BACH1: variants seen among roughly 807,000 people sequenced by gnomAD.
BACH1 encodes transcription regulator protein BACH1.
In BACH1, 35 loss-of-function variants were observed where a neutral mutation model predicts 52.9. The observed-to-expected ratio is 0.66, with a 90% CI of 0.51 to 0.88. BACH1 has a LOEUF of 0.88. BACH1 is among the 40% of genes least tolerant of loss of function. BACH1 has a pLI of 0.00. For missense variants in BACH1, 808 were observed against 872.6 expected, an observed-to-expected ratio of 0.93 and a Z score of 0.93; for synonymous variants, 321 against 319.6, an observed-to-expected ratio of 1.00 and a Z score of -0.05.
At position 29,326,782 on chromosome 21, in the gene BACH1, C is replaced by T. The variant is rs748061224; in HGVS notation, c.958C>T (p.Leu320Phe). The T allele has an allele frequency of 3.1e-6, 5 of 1,614,016 alleles. No homozygotes were observed. The Admixed American group carries it at 6.7e-5, about 22-fold the overall frequency. The change falls in exon 3 of 5, where the codon CTT (leucine) becomes TTT (phenylalanine). Residue 320 changes from leucine (L) to phenylalanine (F), a missense_variant. Coordinates refer to ENST00000286800, the MANE Select transcript of BACH1 (RefSeq NM_001186.4). The part of the protein sequence containing the change: ...PHNSSIDPHG[L>F]YSLSLLHTYD... ...CAATTCTTCCATAGACCCTCATGGA[C>T]TTTATTCTTTGTCTCTTTTACACAC...
chr21:29,303,663 G>A (rs1569005297), intron 1 of BACH1, among the ~76,000 whole-genome samples: 1 of 152,160 alleles, frequency 6.6e-6, no homozygotes, highest in African/African-American at 2.4e-5. Context: ...AACTTGTCTT[G>A]TGACTTATTT....
downstream of BACH1, among the ~76,000 whole-genome samples, chr21:29,349,515 C>T (rs1431733790): frequency 5.3e-5 from 8 of 152,118 alleles, no homozygotes; most frequent in Non-Finnish European, 1.0e-4. Context: ...GGCTGCTGCC[C>T]ACATTTAATT....
downstream of BACH1, among the ~76,000 whole-genome samples, chr21:29,347,580 A>G (rs920015322): frequency 1.3e-5 from 2 of 152,194 alleles, no homozygotes; most frequent in Non-Finnish European, 2.9e-5. Flanking sequence ...TTGCTCAACC[A>G]GGGCTGTGAC....
intron 4 of BACH1, among the ~76,000 whole-genome samples, chr21:29,331,876 A>G (rs921670335): frequency 1.3e-5 from 2 of 152,080 alleles, no homozygotes; most frequent in Non-Finnish European, 2.9e-5. Flanking sequence ...TCCATTTTCT[A>G]CTTTTTAAAA....
intron 2 of BACH1, among the ~76,000 whole-genome samples, chr21:29,354,742 C>T (rs1240572632): frequency 1.3e-5 from 2 of 152,140 alleles, no homozygotes; most frequent in African/African-American, 2.4e-5. Context: ...TGCTGTGTGG[C>T]GCCCATGTGG....
At position 29,344,633 on chromosome 21, in the gene BACH1, T is replaced by C. The variant is rs1056828; in HGVS notation, c.*1800T>C. On this transcript the variant is annotated 3_prime_UTR_variant, in exon 5 of 5. Coordinates refer to ENST00000286800, the MANE Select transcript of BACH1 (RefSeq NM_001186.4). ...TAGTGCATCCCATACTGCAAAAGAA[T>C]TTGTGTGTGTGTGTGTGTGTGTGTG... The C allele has an allele frequency of 1.9e-4, 16 of 86,270 alleles. No homozygotes were observed. Among genetic ancestry groups the C allele is most frequent in the African/African-American group, 1.2e-3 (16 of 13,720 alleles). 5.3% of individuals were successfully genotyped at this position (86,270 alleles called of 1,614,324 possible).
At chr21:29,340,150 T>TC (rs761804226) in intron 4 of BACH1, among the ~76,000 whole-genome samples, 3 of 152,238 alleles carry the variant, frequency 2.0e-5, no homozygotes, top group Non-Finnish European at 2.9e-5. Flanking sequence ...GGGAGGTATC[T>TC]TAAATACTGA....
Position 29,345,266 on chromosome 21 carries a change from T to G in BACH1, c.*2433T>G, listed in dbSNP as rs1164420592. Reference sequence around the variant, plus strand: ...ATTTTAACATTAACTTCTAAAGAAGTTTTTTCTAAGAAAATGTTTCAAGGC... The same window carrying G: ...ATTTTAACATTAACTTCTAAAGAAGGTTTTTCTAAGAAAATGTTTCAAGGC... On this transcript the variant is annotated 3_prime_UTR_variant, in exon 5 of 5. Transcript: ENST00000286800. The G allele has an allele frequency of 1.3e-5, 2 of 152,172 alleles. No homozygotes were observed. The highest frequency in any genetic ancestry group is 2.9e-5 in the Non-Finnish European group (2 of 67,892). The allele number at this position is 152,172 out of a possible 1,614,324, so 9.4% of individuals were successfully genotyped here.
intron 1 of BACH1, among the ~76,000 whole-genome samples, chr21:29,303,509 C>T (rs1055777615): frequency 6.6e-6 from 1 of 152,194 alleles, no homozygotes; most frequent in Non-Finnish European, 1.5e-5. Flanking sequence ...GAGAGAACAT[C>T]GTGTGTGGTA....
chr21:29,327,415 A>G (rs750875639), intron 3 of BACH1, 22 bp downstream of exon 3: 1 of 1,593,960 alleles, frequency 6.3e-7, no homozygotes, highest in African/African-American at 1.4e-5. Context: ...TATGTTCTTA[A>G]TTCATTGTTT....
chr21:29,349,790 C>A (rs2123485842), downstream of BACH1, among the ~76,000 whole-genome samples: 1 of 152,216 alleles, frequency 6.6e-6, no homozygotes, highest in South Asian at 2.1e-4. Flanking sequence ...GCTGTCTTGG[C>A]TGGGGATTGG....
chr21:29,335,984 A>G (rs944691926), intron 4 of BACH1, among the ~76,000 whole-genome samples: 2 of 152,232 alleles, frequency 1.3e-5, no homozygotes, highest in Non-Finnish European at 2.9e-5. Flanking sequence ...AGATATGACT[A>G]ATACCTTTAT....
chr21:29,346,427 C>G (rs1160998439), downstream of BACH1, among the ~76,000 whole-genome samples: 1 of 152,202 alleles, frequency 6.6e-6, no homozygotes. Flanking sequence ...AAAAACTTAT[C>G]TGCCGAGTCA....
rs1411103653 is a variant in BACH1, at chr21:29,345,562, A to T, written c.*2729A>T. ...ATAATTCGTTAAATTGTCATATTCA[A>T]AACAAATGTGGATACAGTCTTGGTT... On this transcript the variant is annotated 3_prime_UTR_variant, in exon 5 of 5. Transcript: ENST00000286800. 6.6e-6 allele frequency: 1 copy of T among 152,494 alleles called. No homozygotes were observed. Among genetic ancestry groups the T allele is most frequent in the Admixed American group, 6.5e-5 (1 of 15,280 alleles). 9.4% of individuals were successfully genotyped at this position (152,494 alleles called of 1,614,324 possible).
intron 2 of BACH1, among the ~76,000 whole-genome samples, chr21:29,325,085 C>A (rs931609077): frequency 2.6e-5 from 4 of 152,088 alleles, no homozygotes; most frequent in African/African-American, 9.7e-5. Flanking sequence ...GAAAAATTAG[C>A]CGGGCATGGT....
intron 1 of BACH1, among the ~76,000 whole-genome samples, chr21:29,310,714 A>G (rs1200611826): frequency 6.6e-6 from 1 of 152,240 alleles, no homozygotes; most frequent in Non-Finnish European, 1.5e-5. Flanking sequence ...CTTGTTAACT[A>G]TTGCTGAGAT....
At chr21:29,300,239 T>C (rs1424010695) in intron 1 of BACH1, 1 of 152,200 alleles carries the variant, frequency 6.6e-6, no homozygotes, top group Non-Finnish European at 1.5e-5. Context: ...TTAACCTATG[T>C]TTCTGTCAAG....
intron 1 of BACH1, among the ~76,000 whole-genome samples, chr21:29,311,911 T>C (rs777939509): frequency 6.6e-6 from 1 of 152,224 alleles, no homozygotes; most frequent in African/African-American, 2.4e-5. Context: ...TTGTCTATTC[T>C]AAAAGTTGAA....
At chr21:29,318,867 C>G (rs574003914) in intron 1 of BACH1, among the ~76,000 whole-genome samples, 2 of 152,146 alleles carry the variant, frequency 1.3e-5, no homozygotes, top group Non-Finnish European at 2.9e-5. Flanking sequence ...CGGTCCATAT[C>G]TGTATTCTCA....
Sources: gnomAD v4.1 joint callset for allele counts (sites outside exome capture counted in the v4.1 genomes callset) on GRCh38, gnomAD v4.1.1 for gene constraint, MANE v1.5 for transcripts, NCBI Gene and HGNC (gene_info 2026-07-23, HGNC 2026-07-21) for gene names.